Variants in TPP2 observed in about 807,000 individuals in gnomAD.
TPP2 encodes tripeptidyl-peptidase 2.
In TPP2, 34 loss-of-function variants were observed where a neutral mutation model predicts 155.9. That is an observed-to-expected ratio of 0.22 (90% CI 0.17 to 0.29). The LOEUF is 0.29. TPP2 is among the 10% of genes least tolerant of loss of function. The probability of loss-of-function intolerance (pLI) is 1.00; values close to 1 mark genes in which losing one functional copy is unlikely to be tolerated. For missense variants in TPP2, 1,028 were observed against 1,522.3 expected (o/e 0.68, Z 5.40); for synonymous variants, 510 against 529.4 (o/e 0.96, Z 0.50).
chr13:102,647,814 A>G (rs1883226808), intron 21 of TPP2, among the ~76,000 whole-genome samples: 1 of 152,228 alleles, frequency 6.6e-6, no homozygotes, highest in Non-Finnish European at 1.5e-5. Flanking sequence ...AGCACTTACT[A>G]CATACCAGGC....
At chr13:102,613,603 A>G (rs1371346918) in intron 2 of TPP2, among the ~76,000 whole-genome samples, 1 of 152,138 alleles carries the variant, frequency 6.6e-6, no homozygotes, top group African/African-American at 2.4e-5. Flanking sequence ...GATTTATCTG[A>G]CTTTAAATCC....
chr13:102,651,035 C>A (rs1337201082), intron 23 of TPP2, among the ~76,000 whole-genome samples: 2 of 152,066 alleles, frequency 1.3e-5, no homozygotes, highest in African/African-American at 4.8e-5. Flanking sequence ...TGTTGTGGTA[C>A]CCTTTAATCA....
At chr13:102,668,254 C>A (rs1200044995) in intron 27 of TPP2, among the ~76,000 whole-genome samples, 1 of 152,174 alleles carries the variant, frequency 6.6e-6, no homozygotes, top group Non-Finnish European at 1.5e-5. Flanking sequence ...GCCAGATCCT[C>A]TTTCAAAGCT....
intron 6 of TPP2, among the ~76,000 whole-genome samples, chr13:102,624,040 G>T (rs1881369509): frequency 6.6e-6 from 1 of 152,246 alleles, no homozygotes; most frequent in Admixed American, 6.5e-5. Flanking sequence ...GATACAGAGG[G>T]CCGAATGTAT....
intron 1 of TPP2, among the ~76,000 whole-genome samples, chr13:102,604,424 A>T (rs994801886): frequency 1.3e-5 from 2 of 152,074 alleles, no homozygotes; most frequent in African/African-American, 4.8e-5. Context: ...GTGTGATAGC[A>T]CATCTGACAT....
intron 24 of TPP2, among the ~76,000 whole-genome samples, chr13:102,652,426 ATATATATATATATATATATATATATAT>A (rs1478350049): frequency 1.2e-4 from 2 of 16,264 alleles, no homozygotes; most frequent in Non-Finnish European, 2.1e-4. Flanking sequence ...ATATATATAT[ATATATATATATATATATATATATATAT>A]AAAAGGGACC....
intron 27 of TPP2, among the ~76,000 whole-genome samples, chr13:102,672,198 T>C (rs1228080081): frequency 6.6e-6 from 1 of 152,170 alleles, no homozygotes; most frequent in East Asian, 1.9e-4. Context: ...CTGCCGGCAC[T>C]AGGGGCCGAA....
chr13:102,603,302 TA>T (rs1422011023), intron 1 of TPP2, among the ~76,000 whole-genome samples: 2 of 152,208 alleles, frequency 1.3e-5, no homozygotes, highest in Non-Finnish European at 2.9e-5. Context: ...TCTATTCTAA[TA>T]GGGGGAACAG....
intron 24 of TPP2, among the ~76,000 whole-genome samples, chr13:102,653,584 G>C (rs1883655953): frequency 6.6e-6 from 1 of 151,856 alleles, no homozygotes; most frequent in South Asian, 2.1e-4. Context: ...ATAGAGAGAG[G>C]TCTTACTACG....
rs995503525 is a variant in TPP2 at position 102,640,448 on chromosome 13, C to T, written c.2020+72C>T. ...CTAATGACTATAGCTGTATGAGGTT[C>T]GTTTATCTGTAGCATGTATTTCCCT... On this transcript the variant is annotated intron_variant, in intron 16 of 29. Transcript: ENST00000376052. 4.9e-6 allele frequency: 6 copies of T among 1,230,448 alleles called. No homozygotes were observed. The Admixed American group carries it at 5.4e-5, about 11-fold the overall frequency. The allele number at this position is 1,230,448 out of a possible 1,614,324, so 76.2% of individuals were successfully genotyped here.
At chr13:102,652,421 T>C (rs1437056082) in intron 24 of TPP2, among the ~76,000 whole-genome samples, 1 of 13,580 alleles carries the variant, frequency 7.4e-5, no homozygotes, top group African/African-American at 1.1e-3. Context: ...TATATATATA[T>C]ATATATATAT....
At chr13:102,644,125 T>C (rs1289049799) in intron 17 of TPP2, among the ~76,000 whole-genome samples, 1 of 152,208 alleles carries the variant, frequency 6.6e-6, no homozygotes, top group African/African-American at 2.4e-5. Context: ...GACCATAATG[T>C]CATTTTGTTT....
chr13:102,651,599 C>CTTCTTTT, intron 24 of TPP2, among the ~76,000 whole-genome samples: 1 of 150,060 alleles, frequency 6.7e-6, no homozygotes, highest in Non-Finnish European at 1.5e-5. Flanking sequence ...TTTTCCCCAC[C>CTTCTTTT]ATAAATTCCT....
At chr13:102,631,458 A>G (rs549233559) in intron 10 of TPP2, 2 of 152,374 alleles carry the variant, frequency 1.3e-5, no homozygotes, top group South Asian at 4.1e-4. Flanking sequence ...AGAAGAGCCA[A>G]AAGTCAGCAA....
chr13:102,678,609 A>G lies in TPP2; in HGVS notation c.*293A>G. 1 of 240,442 alleles carries G rather than the reference A, an allele frequency of 4.2e-6. No individual in the cohort carries two copies. The highest frequency in any genetic ancestry group is 9.5e-5 in the South Asian group (1 of 10,516). The allele number at this position is 240,442 out of a possible 1,614,324, so 14.9% of individuals were successfully genotyped here. On this transcript the variant is annotated 3_prime_UTR_variant, in exon 30 of 30. Coordinates refer to ENST00000376052, the MANE Select transcript of TPP2 (RefSeq NM_001330588.2). ...GGTTGCAGCTTATGACATGCATGAT[A>G]GGTTTTGGAAGGTAACTTTTAACTG...
At position 102,675,667 on chromosome 13, in the gene TPP2, A is replaced by G. The variant is rs184922203; in HGVS notation, c.3580-629A>G. On this transcript the variant is annotated intron_variant, in intron 28 of 29. Transcript: ENST00000376052. ...TAATAAAATTGTTATAGATCATTCT[A>G]TTTTTGCAATACTACTACTATATTA... Among the ~76,000 whole-genome samples the G allele has an allele frequency of 4.7e-4, 71 of 152,278 alleles. 2 individuals are homozygous for G. In the East Asian group the frequency reaches 9.7e-3, roughly 21 times the overall value.
At chr13:102,673,913 AC>A (rs1308508804) in intron 27 of TPP2, among the ~76,000 whole-genome samples, 7 of 152,266 alleles carry the variant, frequency 4.6e-5, no homozygotes, top group African/African-American at 1.7e-4. Context: ...ATACACATAG[AC>A]AAATGTGTAA....
intron 28 of TPP2, among the ~76,000 whole-genome samples, chr13:102,674,835 TTGG>T (rs1196566108): frequency 2.6e-5 from 4 of 152,190 alleles, no homozygotes; most frequent in African/African-American, 4.8e-5. Flanking sequence ...TGCTAATTTG[TTGG>T]TGGTAGGAGA....
chr13:102,663,672 C>A lies in TPP2; in HGVS notation c.3168C>A (p.Asn1056Lys). 6.2e-7 allele frequency: 1 copy of A among 1,603,624 alleles called. No individual in the cohort carries two copies. The highest frequency in any genetic ancestry group is 8.5e-7 in the Non-Finnish European group (1 of 1,176,550). Residue 1056 changes from asparagine to lysine, a missense_variant, in exon 26 of 30, where the codon AAC becomes AAA. By Grantham distance (94) the Asn-to-Lys change is moderately conservative. Around this residue, in one of 7 missense-constraint regions of TPP2, gnomAD observed 179 missense variants for 274.7 expected, o/e 0.65. Coordinates refer to ENST00000376052, the MANE Select transcript of TPP2 (RefSeq NM_001330588.2). ...GGCTGGATTCTAGTGACATTTATAA[C>A]GAATTGAAAGAAACATATCCTAATT... ...MTKLDSSDIYNELKETYPNYL... is the reference protein window; with the variant it reads ...MTKLDSSDIYKELKETYPNYL...
Sources: allele counts gnomAD v4.1 joint callset (sites outside exome capture counted in the v4.1 genomes callset), GRCh38; gene constraint gnomAD v4.1.1; regional missense constraint gnomAD v4.1.1; transcripts MANE v1.5; gene names NCBI Gene and HGNC (gene_info 2026-07-23, HGNC 2026-07-21).